Variants in USP43 observed in about 807,000 individuals in gnomAD.
USP43 encodes the protein ubiquitin carboxyl-terminal hydrolase 43.
Under a neutral mutation model 90.7 loss-of-function variants are expected in USP43, and 33 were observed. The observed-to-expected ratio is 0.36, with a 90% CI of 0.28 to 0.49. The LOEUF is 0.49. Ranked by LOEUF, USP43 falls within the 20% of genes least tolerant of loss-of-function variation. The pLI, the probability that USP43 is intolerant of heterozygous loss-of-function variation, is 0.98. For synonymous variants in USP43, 598 were observed against 615.8 expected, an observed-to-expected ratio of 0.97 and a Z score of 0.43; for missense variants, 1,274 against 1,476.4, an observed-to-expected ratio of 0.86 and a Z score of 2.25.
In USP43 at chr17:9,729,282, C is replaced by T. The variant is rs371914547; in HGVS notation, c.*292C>T. 262 of 229,782 alleles carry T rather than the reference C, an allele frequency of 1.1e-3. 2 individuals are homozygous for T. The highest frequency in any genetic ancestry group is 6.1e-3 in the South Asian group (34 of 5,538). 14.2% of individuals were successfully genotyped at this position (229,782 alleles called of 1,614,324 possible). On this transcript the variant is annotated 3_prime_UTR_variant, in exon 15 of 15. Coordinates refer to ENST00000285199, the MANE Select transcript of USP43 (RefSeq NM_153210.5). The stretch of plus-strand genomic sequence containing the variant: ...GTTTCAGGGCAAGAACTGATATTTA[C>T]TAAAGAGTTTTGGATGTGGGCAAAC...
intron 7 of USP43, among the ~76,000 whole-genome samples, chr17:9,685,622 A>C (rs1416339610): frequency 6.6e-6 from 1 of 152,192 alleles, no homozygotes; most frequent in East Asian, 1.9e-4. Context: ...CATTTGTTAC[A>C]AGGTTCTCTG....
At chr17:9,666,304 G>A (rs1001479080) in intron 2 of USP43, among the ~76,000 whole-genome samples, 2 of 152,276 alleles carry the variant, frequency 1.3e-5, no homozygotes, top group Admixed American at 6.5e-5. Flanking sequence ...ATAAATATAC[G>A]AGAGGCATCT....
intron 2 of USP43, among the ~76,000 whole-genome samples, chr17:9,657,927 A>G (rs1295732557): frequency 1.3e-5 from 2 of 152,236 alleles, no homozygotes; most frequent in African/African-American, 4.8e-5. Flanking sequence ...GAGAAGTTTC[A>G]TGAGCTTTGA....
chr17:9,700,885 A>G (rs894663110), intron 10 of USP43, among the ~76,000 whole-genome samples: 1 of 152,234 alleles, frequency 6.6e-6, no homozygotes, highest in Non-Finnish European at 1.5e-5. Flanking sequence ...TGAGGAAAAC[A>G]AAGATGAATA....
Position 9,697,289 on chromosome 17 carries a change from TTTTA to T in USP43, c.1458-2879_1458-2876del, listed in dbSNP as rs1335627282. ...AAAGTTTTGTTTATTATTCATTTAT[TTTTA>T]TTTCTATAACTTTCTTGGGTGAATG... is the stretch of plus-strand genomic sequence containing the variant. On this transcript the variant is annotated intron_variant, in intron 9 of 14. Transcript: ENST00000285199. Among the ~76,000 whole-genome samples the T allele has an allele frequency of 3.3e-5, 5 of 152,184 alleles. No individual in the cohort carries two copies. The East Asian group carries it at 7.7e-4, about 23-fold the overall frequency.
chr17:9,681,462 TTA>T lies in USP43; in HGVS notation c.1105+1142_1105+1143del, dbSNP rs1184883523. Reference sequence around the variant, plus strand: ...TATAGATAAATATATATAAAATATATTATATATATATATATATATATATATAT... The same window carrying T: ...TATAGATAAATATATATAAAATATATTATATATATATATATATATATATAT... On this transcript the variant is annotated intron_variant, in intron 6 of 14. Coordinates refer to ENST00000285199, the MANE Select transcript of USP43 (RefSeq NM_153210.5). Among the ~76,000 whole-genome samples, 128 of 18,506 alleles carry T rather than the reference TTA, an allele frequency of 6.9e-3. 1 individual carries two copies. The highest frequency in any genetic ancestry group is 0.015 in the African/African-American group (57 of 3,778). The allele number at this position is 18,506 out of a possible 152,430, so 12.1% of individuals were successfully genotyped here.
chr17:9,677,832 G>A (rs957116024), intron 5 of USP43, among the ~76,000 whole-genome samples: 1 of 152,160 alleles, frequency 6.6e-6, no homozygotes, highest in African/African-American at 2.4e-5. Context: ...ATTGTGGTTT[G>A]CTGGCTTTCT....
chr17:9,693,926 T>C (rs766098529), intron 9 of USP43, among the ~76,000 whole-genome samples: 2 of 152,202 alleles, frequency 1.3e-5, no homozygotes, highest in Non-Finnish European at 2.9e-5. Flanking sequence ...CCCTAGGGTA[T>C]GTGAAGATTC....
At chr17:9,650,579 T>C (rs1200046167) in intron 1 of USP43, among the ~76,000 whole-genome samples, 1 of 152,150 alleles carries the variant, frequency 6.6e-6, no homozygotes, top group African/African-American at 2.4e-5. Context: ...TTTTTTGTAT[T>C]TTTAGTAGAC....
chr17:9,729,156 CACCCAAGGTCCATATA>C lies in USP43; in HGVS notation c.*177_*192del, dbSNP rs2152006399. ...GGGGTCTCCATATCTAGACTTCCAA[CACCCAAGGTCCATATA>C]ACCCAAGGTCGAAAACCTTCCTGCA... On this transcript the variant is annotated 3_prime_UTR_variant, in exon 15 of 15. Transcript: ENST00000285199. 1 of 542,100 alleles carries C rather than the reference CACCCAAGGTCCATATA, an allele frequency of 1.8e-6. No individual in the cohort carries two copies. Among genetic ancestry groups the C allele is most frequent in the East Asian group, 3.4e-5 (1 of 29,452 alleles). 33.6% of individuals were successfully genotyped at this position (542,100 alleles called of 1,614,324 possible). A position where few individuals can be genotyped will look rare whatever the true frequency, so the allele number is the denominator to read the frequency against.
rs1916692699 is a variant in USP43, at chr17:9,717,946, A to G, written c.2335+5814A>G. Among the ~76,000 whole-genome samples the G allele has an allele frequency of 2.0e-5, 3 of 151,830 alleles. No individual in the cohort carries two copies. In the East Asian group the frequency reaches 5.8e-4, roughly 29 times the overall value. On this transcript the variant is annotated intron_variant, in intron 14 of 14. Transcript: ENST00000285199. ...CGAGTAGCTGGGACTACAGGCACGC[A>G]CCACCACACCCAGCTAATTTTTGTA...
Position 9,700,342 on chromosome 17 carries a change from A to T in USP43, c.1535+93A>T, listed in dbSNP as rs1567672076. 4 of 1,253,034 alleles carry T rather than the reference A, an allele frequency of 3.2e-6. No individual in the cohort carries two copies. In the African/African-American group the frequency reaches 4.5e-5, roughly 14 times the overall value. 77.6% of individuals were successfully genotyped at this position (1,253,034 alleles called of 1,614,324 possible). A position where few individuals can be genotyped will look rare whatever the true frequency, so the allele number is the denominator to read the frequency against. ...ACGCAGCTTCCCCCAGCACGGCTGCAGGCAGGGTGCACACATCTTTGAGCC... is the reference window on the plus strand; with the variant it reads ...ACGCAGCTTCCCCCAGCACGGCTGCTGGCAGGGTGCACACATCTTTGAGCC... On this transcript the variant is annotated intron_variant, in intron 10 of 14. Coordinates refer to ENST00000285199, the MANE Select transcript of USP43 (RefSeq NM_153210.5).
At chr17:9,693,311 A>G (rs571821223) in intron 9 of USP43, 81 bp downstream of exon 9, 1 of 1,146,812 alleles carries the variant, frequency 8.7e-7, no homozygotes, top group South Asian at 1.3e-5. Context: ...TATGTCAATG[A>G]GATTGCTCAT....
chr17:9,662,792 G>A (rs920876983), intron 2 of USP43, among the ~76,000 whole-genome samples: 2 of 150,032 alleles, frequency 1.3e-5, no homozygotes, highest in Admixed American at 1.3e-4. Context: ...TACCAGACAT[G>A]TTTCTAAGTG....
At chr17:9,702,004 C>G (rs529881750) in intron 12 of USP43, among the ~76,000 whole-genome samples, 1 of 152,122 alleles carries the variant, frequency 6.6e-6, no homozygotes, top group East Asian at 1.9e-4. Flanking sequence ...GCACCATGTG[C>G]GAGAGCAGAA....
At chr17:9,703,327 A>G (rs1052625992) in intron 12 of USP43, among the ~76,000 whole-genome samples, 1 of 152,176 alleles carries the variant, frequency 6.6e-6, no homozygotes, top group Admixed American at 6.5e-5. Flanking sequence ...GGGTGGCCCC[A>G]CATAAATTAA....
chr17:9,678,154 AGT>A (rs1301111391), intron 5 of USP43, among the ~76,000 whole-genome samples: 1 of 152,100 alleles, frequency 6.6e-6, no homozygotes, highest in Non-Finnish European at 1.5e-5. Context: ...AATAATTAAG[AGT>A]GTGAAAAATC....
At position 9,673,439 on chromosome 17, in the gene USP43, G is replaced by A. The variant is rs533139326; in HGVS notation, c.741-1452G>A. On this transcript the variant is annotated intron_variant, in intron 3 of 14. Coordinates refer to ENST00000285199, the MANE Select transcript of USP43 (RefSeq NM_153210.5). ...CAGGAGAATCGCTTGAATCTGGGAG[G>A]CAGAGGTTGCAGTGAGTCGAGATCG... 7.2e-5 allele frequency among the ~76,000 whole-genome samples: 11 copies of A among 152,270 alleles called. 1 individual carries two copies. In the South Asian group the frequency reaches 1.5e-3, roughly 20 times the overall value.
Position 9,649,716 on chromosome 17 carries a change from AAG to A in USP43, c.504+3584_504+3585del, listed in dbSNP as rs1416023328. The stretch of plus-strand genomic sequence containing the variant: ...AAAAAAGTTAAAATGTAGAAAAAAA[AAG>A]AGATCTGTAATTTTAACCCCTAGAG... On this transcript the variant is annotated intron_variant, in intron 1 of 14. Transcript: ENST00000285199. 9.0e-4 allele frequency among the ~76,000 whole-genome samples: 136 copies of A among 151,640 alleles called. 1 individual carries two copies. The highest frequency in any genetic ancestry group is 3.2e-3 in the African/African-American group (130 of 41,124).
Sources: allele counts gnomAD v4.1 joint callset (sites outside exome capture counted in the v4.1 genomes callset), GRCh38; gene constraint gnomAD v4.1.1; transcripts MANE v1.5; gene names NCBI Gene and HGNC (gene_info 2026-07-23, HGNC 2026-07-21).